Variants in JPH1 observed in about 807,000 individuals in gnomAD.
JPH1 encodes junctophilin 1.
Under a neutral mutation model 53.6 loss-of-function variants are expected in JPH1, and 12 were observed. That is an observed-to-expected ratio of 0.22 (90% CI 0.14 to 0.36). JPH1 has a LOEUF of 0.36. JPH1 is among the 10% of genes least tolerant of loss of function. The pLI is 1.00. For synonymous variants in JPH1, 375 were observed against 363.8 expected (o/e 1.03, Z -0.35); for missense variants, 808 against 905.5 (o/e 0.89, Z 1.38).
chr8:74,305,967 T>C (rs1807819472), intron 2 of JPH1, among the ~76,000 whole-genome samples: 1 of 152,238 alleles, frequency 6.6e-6, no homozygotes, highest in African/African-American at 2.4e-5. Flanking sequence ...AGTGTCTGAA[T>C]GGGCCCGGAC....
intron 3 of JPH1, among the ~76,000 whole-genome samples, chr8:74,251,718 T>C (rs1439269973): frequency 6.6e-6 from 1 of 152,218 alleles, no homozygotes; most frequent in African/African-American, 2.4e-5. Context: ...GTTTTTTCTT[T>C]AGTTTCTAAC....
At chr8:74,285,684 C>T (rs1807144347) in intron 2 of JPH1, among the ~76,000 whole-genome samples, 1 of 152,140 alleles carries the variant, frequency 6.6e-6, no homozygotes, top group African/African-American at 2.4e-5. Context: ...ACTTGGTGTG[C>T]TCAGACCCCC....
At chr8:74,296,347 C>G (rs986289027) in intron 2 of JPH1, among the ~76,000 whole-genome samples, 1 of 152,166 alleles carries the variant, frequency 6.6e-6, no homozygotes, top group Admixed American at 6.5e-5. Context: ...ACATTTTATT[C>G]TGGGTACAAA....
At chr8:74,295,901 G>A (rs565497842) in intron 2 of JPH1, among the ~76,000 whole-genome samples, 16 of 152,100 alleles carry the variant, frequency 1.1e-4, no homozygotes, top group South Asian at 4.2e-4. Context: ...CAGGCGTTGC[G>A]TGTGTGTTTT....
At chr8:74,312,431 C>G (rs971646895) in intron 2 of JPH1, among the ~76,000 whole-genome samples, 5 of 152,126 alleles carry the variant, frequency 3.3e-5, no homozygotes, top group African/African-American at 4.8e-5. Flanking sequence ...TTATTTTTTG[C>G]AGAGACGGGG....
chr8:74,279,292 A>G (rs1234255944), intron 2 of JPH1, among the ~76,000 whole-genome samples: 1 of 152,256 alleles, frequency 6.6e-6, no homozygotes, highest in Non-Finnish European at 1.5e-5. Flanking sequence ...TGTTGTCAAC[A>G]GTAATTTTTA....
rs376533424 is a variant in JPH1, at chr8:74,279,941, C to T, written c.1140-20438G>A. Among the ~76,000 whole-genome samples the T allele has an allele frequency of 5.3e-5, 8 of 152,062 alleles. No homozygotes were observed. The East Asian group carries it at 7.7e-4, about 15-fold the overall frequency. On this transcript the variant is annotated intron_variant, in intron 2 of 5. Coordinates refer to ENST00000342232, the MANE Select transcript of JPH1 (RefSeq NM_020647.4). ...ATTCATTTATTTGTATAAATAAAAACTAGACCTCTTGTTATTTAGTGATGA... is the reference window on the plus strand; with the variant it reads ...ATTCATTTATTTGTATAAATAAAAATTAGACCTCTTGTTATTTAGTGATGA...
At chr8:74,288,012 C>T (rs1162553620) in intron 2 of JPH1, among the ~76,000 whole-genome samples, 2 of 151,798 alleles carry the variant, frequency 1.3e-5, no homozygotes, top group Non-Finnish European at 2.9e-5. Context: ...TCACCAGTCT[C>T]GCTTTACTGC....
intron 2 of JPH1, among the ~76,000 whole-genome samples, chr8:74,267,799 G>A (rs57647949): frequency 0.018 from 2,694 of 152,266 alleles, 75 homozygotes; most frequent in African/African-American, 0.061. Context: ...TGATCCTGTC[G>A]GAAGGTGGGA....
At chr8:74,295,896 G>A (rs944386921) in intron 2 of JPH1, among the ~76,000 whole-genome samples, 3 of 152,020 alleles carry the variant, frequency 2.0e-5, no homozygotes, top group Non-Finnish European at 2.9e-5. Context: ...CCACTCAGGC[G>A]TTGCGTGTGT....
intron 2 of JPH1, among the ~76,000 whole-genome samples, chr8:74,271,283 G>A (rs538124318): frequency 3.6e-4 from 54 of 150,184 alleles, no homozygotes; most frequent in Middle Eastern, 3.4e-3. Flanking sequence ...GTTGCAAGTT[G>A]TCTAGTATTA....
chr8:74,256,452 T>C (rs1806237061), intron 3 of JPH1, among the ~76,000 whole-genome samples: 1 of 150,130 alleles, frequency 6.7e-6, no homozygotes, highest in African/African-American at 2.5e-5. Flanking sequence ...AAATGACGAG[T>C]TAATGGGTGC....
At chr8:74,284,256 C>A (rs1291083742) in intron 2 of JPH1, among the ~76,000 whole-genome samples, 2 of 152,228 alleles carry the variant, frequency 1.3e-5, no homozygotes, top group African/African-American at 2.4e-5. Flanking sequence ...ATGTGTCATT[C>A]TTATTCAAAT....
At chr8:74,262,825 T>C (rs1473755933) in intron 2 of JPH1, among the ~76,000 whole-genome samples, 1 of 152,202 alleles carries the variant, frequency 6.6e-6, no homozygotes, top group African/African-American at 2.4e-5. Flanking sequence ...AACTCCCTCC[T>C]GGACATAAGC....
At chr8:74,312,456 C>T (rs559980071) in intron 2 of JPH1, among the ~76,000 whole-genome samples, 112 of 152,276 alleles carry the variant, frequency 7.4e-4, no homozygotes, top group African/African-American at 2.5e-3. Flanking sequence ...CACTATGTTG[C>T]AGAGATTGGT....
intron 2 of JPH1, among the ~76,000 whole-genome samples, chr8:74,292,400 C>T (rs56800051): frequency 0.02 from 3,069 of 152,250 alleles, 111 homozygotes; most frequent in African/African-American, 0.07. Context: ...GGGGCTTGGT[C>T]TAGGTCTTCC....
intron 2 of JPH1, among the ~76,000 whole-genome samples, chr8:74,276,789 T>C (rs749656017): frequency 6.6e-6 from 1 of 152,204 alleles, no homozygotes; most frequent in Admixed American, 6.5e-5. Context: ...TGTAAATCCT[T>C]GGTTTTCCAC....
intron 2 of JPH1, among the ~76,000 whole-genome samples, chr8:74,313,097 G>A (rs770479878): frequency 2.0e-5 from 3 of 152,194 alleles, no homozygotes; most frequent in African/African-American, 4.8e-5. Context: ...ATGATAAGTC[G>A]TTTGTTAAAG....
intron 2 of JPH1, among the ~76,000 whole-genome samples, chr8:74,313,738 GCGTTTAC>G (rs1226459994): frequency 6.6e-6 from 1 of 152,024 alleles, no homozygotes; most frequent in African/African-American, 2.4e-5. Flanking sequence ...TTTCAAAAGG[GCGTTTAC>G]TTCTGTGGAA....
Sources: allele counts gnomAD v4.1 joint callset (sites outside exome capture counted in the v4.1 genomes callset), GRCh38; gene constraint gnomAD v4.1.1; transcripts MANE v1.5; gene names NCBI Gene and HGNC (gene_info 2026-07-23, HGNC 2026-07-21).